BUD31: variants seen among roughly 807,000 people sequenced by gnomAD.
BUD31 encodes the protein protein BUD31 homolog.
A neutral mutation model predicts 17.9 loss-of-function variants in BUD31; 9 were observed. The observed-to-expected ratio is 0.50, with a 90% CI of 0.30 to 0.88. The LOEUF (loss-of-function observed/expected upper bound fraction) is 0.88. BUD31 is among the 40% of genes least tolerant of loss of function. The probability of loss-of-function intolerance (pLI) is 0.06; values close to 1 mark genes in which losing one functional copy is unlikely to be tolerated. For synonymous variants in BUD31, 70 were observed against 64.7 expected (o/e 1.08, Z -0.39); for missense variants, 148 against 184.5 (o/e 0.80, Z 1.15).
chr7:99,414,994 C>G (rs575083476), intron 3 of BUD31: 1 of 242,866 alleles, frequency 4.1e-6, no homozygotes, highest in Non-Finnish European at 8.3e-6. Flanking sequence ...CCAATTTCTC[C>G]ACATCCTTCC....
chr7:99,416,116 C>T, intron 3 of BUD31, 22 bp from the exon 4 acceptor site: 2 of 1,612,054 alleles, frequency 1.2e-6, no homozygotes, highest in Non-Finnish European at 1.7e-6. Context: ...TTCCCCCAAA[C>T]ACACTCTTTG....
At chr7:99,410,947 C>G in intron 2 of BUD31, 117 bp from the exon 3 acceptor site, 2 of 652,710 alleles carry the variant, frequency 3.1e-6, no homozygotes, top group Non-Finnish European at 5.4e-6. Context: ...GTGCTGAGCC[C>G]TGTCCCATAG....
chr7:99,413,376 G>A (rs1027773388), intron 3 of BUD31, among the ~76,000 whole-genome samples: 3 of 152,150 alleles, frequency 2.0e-5, no homozygotes, highest in African/African-American at 7.2e-5. Flanking sequence ...AGCAGCTTCT[G>A]CTGTGGCTAC....
intron 5 of BUD31, chr7:99,418,220 G>T (rs146423265): frequency 0.012 from 1,990 of 170,198 alleles, 28 homozygotes; most frequent in Non-Finnish European, 0.016. Flanking sequence ...ACCCGCCTCA[G>T]CCTCCCAAAG....
At chr7:99,412,672 C>T (rs1476950522) in intron 3 of BUD31, among the ~76,000 whole-genome samples, 14 of 150,426 alleles carry the variant, frequency 9.3e-5, no homozygotes, top group African/African-American at 2.9e-4. Flanking sequence ...AGTGCAGTGG[C>T]GCGATCTCCG....
At chr7:99,414,163 G>A (rs1159033074) in intron 3 of BUD31, among the ~76,000 whole-genome samples, 7 of 149,260 alleles carry the variant, frequency 4.7e-5, no homozygotes, top group African/African-American at 1.7e-4. Context: ...TTTTTGAGAC[G>A]GAATCTCACA....
intron 4 of BUD31, chr7:99,416,595 T>C (rs1795480289): frequency 5.3e-6 from 1 of 190,246 alleles, no homozygotes; most frequent in African/African-American, 2.3e-5. Flanking sequence ...ATTTTTGTAT[T>C]TTTAGTAAAG....
chr7:99,418,072 G>T lies in BUD31; in HGVS notation c.384+477G>T, dbSNP rs202210949. ...AACCTCCACCTCCCGGGTTCAAGCG[G>T]TTCTCCTGCCTCATCCTCCTGAGTA... On this transcript the variant is annotated intron_variant, in intron 5 of 5. Coordinates refer to ENST00000222969, the MANE Select transcript of BUD31 (RefSeq NM_003910.4). 4.8e-5 allele frequency: 42 copies of T among 879,236 alleles called. No individual in the cohort carries two copies. The South Asian group carries it at 1.1e-3, about 23-fold the overall frequency. The allele number at this position is 879,236 out of a possible 1,614,324, so 54.5% of individuals were successfully genotyped here.
intron 3 of BUD31, 46 bp downstream of exon 3, chr7:99,411,232 C>T (rs1323558805): frequency 1.3e-6 from 2 of 1,486,658 alleles, no homozygotes; most frequent in Non-Finnish European, 1.9e-6. Context: ...CCAAGGGTCA[C>T]AGGCTTAGAT....
At chr7:99,412,411 G>A (rs917997764) in intron 3 of BUD31, among the ~76,000 whole-genome samples, 3 of 152,132 alleles carry the variant, frequency 2.0e-5, no homozygotes, top group Non-Finnish European at 4.4e-5. Flanking sequence ...CCAGACAGAA[G>A]TATTCTTTGT....
chr7:99,417,707 A>G (rs949594547), intron 5 of BUD31, 112 bp downstream of exon 5: 14 of 1,545,288 alleles, frequency 9.1e-6, no homozygotes, highest in African/African-American at 1.4e-5. Flanking sequence ...TTGTCCCTGG[A>G]TGTCCTGCTG....
At chr7:99,410,374 A>G (rs1795128877) in intron 2 of BUD31, among the ~76,000 whole-genome samples, 1 of 134,548 alleles carries the variant, frequency 7.4e-6, no homozygotes, top group South Asian at 3.1e-4. Flanking sequence ...ACCCACCACC[A>G]TGCTCAGTTA....
At position 99,419,433 on chromosome 7, in the gene BUD31, TC is replaced by T. The variant is rs1795695520; in HGVS notation, c.428del (p.Ser143LeufsTer53). ...CACACACTGTGGCTGTCGTGGCTGC[TC>T]TGGCTGAGGCTGGCGCGCTCCACCC... Reference protein sequence around the residue: ...ECTHCGCRGCSG With the variant: ...ECTHCGCRGCXG On this transcript the variant is annotated frameshift_variant, in exon 6 of 6. Coordinates refer to ENST00000222969, the MANE Select transcript of BUD31 (RefSeq NM_003910.4). LOFTEE classifies it high-confidence loss of function. 6.2e-7 allele frequency: 1 copy of T among 1,612,776 alleles called. No individual in the cohort carries two copies. Among genetic ancestry groups the T allele is most frequent in the Non-Finnish European group, 8.5e-7 (1 of 1,180,004 alleles).
At chr7:99,416,043 AGTG>A in intron 3 of BUD31, 92 bp from the exon 4 acceptor site, 1 of 1,546,794 alleles carries the variant, frequency 6.5e-7, no homozygotes, top group Non-Finnish European at 8.8e-7. Flanking sequence ...GTGGGTATAA[AGTG>A]GTATTTATTC....
At chr7:99,419,262 G>C in intron 5 of BUD31, 129 bp from the exon 6 acceptor site, 1 of 1,161,458 alleles carries the variant, frequency 8.6e-7, no homozygotes, top group Non-Finnish European at 1.3e-6. Context: ...AGCTGTCAAG[G>C]AAGGGTTTCT....
chr7:99,419,376 C>T lies in BUD31; in HGVS notation c.385-15C>T, dbSNP rs1208516509. The stretch of plus-strand genomic sequence containing the variant: ...TGGCGCAGTGGCATCGTCTCACTGT[C>T]CTCCTCCGTTGCAGGGCCGCATCAT... On this transcript the variant is annotated splice_polypyrimidine_tract_variant and intron_variant, in intron 5 of 5. Coordinates refer to ENST00000222969, the MANE Select transcript of BUD31 (RefSeq NM_003910.4). 6 of 1,612,618 alleles carry T rather than the reference C, an allele frequency of 3.7e-6. No individual in the cohort carries two copies. The highest frequency in any genetic ancestry group is 5.1e-6 in the Non-Finnish European group (6 of 1,179,948).
At chr7:99,412,761 G>A (rs907950042) in intron 3 of BUD31, among the ~76,000 whole-genome samples, 2 of 150,528 alleles carry the variant, frequency 1.3e-5, no homozygotes, top group African/African-American at 2.5e-5. Flanking sequence ...ACAGGCGCCC[G>A]CCACCATGCC....
intron 5 of BUD31, chr7:99,419,129 T>C: frequency 1.9e-6 from 1 of 537,312 alleles, no homozygotes; most frequent in Non-Finnish European, 3.3e-6. Flanking sequence ...CGATTTCTTT[T>C]TCTTGATTGG....
intron 3 of BUD31, chr7:99,415,220 C>A: frequency 2.2e-6 from 1 of 455,176 alleles, no homozygotes; most frequent in Non-Finnish European, 4.4e-6. Flanking sequence ...TTATTGGATA[C>A]AAGACAAAGG....
Sources: allele counts gnomAD v4.1 joint callset (sites outside exome capture counted in the v4.1 genomes callset), GRCh38; gene constraint gnomAD v4.1.1; transcripts MANE v1.5; gene names NCBI Gene and HGNC (gene_info 2026-07-23, HGNC 2026-07-21).